The following UGT1A8 variants were observed in gnomAD, a reference collection of about 807,000 sequenced individuals.
UGT1A8 encodes the protein UDP glucuronosyltransferase family 1 member A8, also known as UDP-glucuronosyltransferase 1A8.
In UGT1A8, 39 loss-of-function variants were observed where a neutral mutation model predicts 45.3. The observed-to-expected ratio is 0.86, with a 90% CI of 0.67 to 1.12. UGT1A8 has a LOEUF of 1.12. Among genes scored for constraint, UGT1A8 ranks in the 50% most tolerant of loss-of-function variants. UGT1A8 has a pLI of 0.00. For synonymous variants in UGT1A8, 275 were observed against 249.2 expected, an observed-to-expected ratio of 1.10 and a Z score of -0.97; for missense variants, 719 against 664.9, an observed-to-expected ratio of 1.08 and a Z score of -0.90.
chr2:233,693,640 C>T (rs2075172238), intron 1 of UGT1A8: 1 of 1,614,182 alleles, frequency 6.2e-7, no homozygotes, highest in Non-Finnish European at 8.5e-7. Context: ...TGGCCAACTT[C>T]CTTGTTAATT....
In UGT1A8 at chr2:233,686,112, AC is replaced by A. The variant is rs965881190; in HGVS notation, c.855+67553del. ...TCCAAGTCCAAGAGAATGAAGTTGC[AC>A]CCTTACCTTGTATCATATATAAAAA... On this transcript the variant is annotated intron_variant, in intron 1 of 4. Coordinates refer to ENST00000373450, the MANE Select transcript of UGT1A8 (RefSeq NM_019076.5). 7.0e-4 allele frequency among the ~76,000 whole-genome samples: 107 copies of A among 152,284 alleles called. 1 individual carries two copies. The highest frequency in any genetic ancestry group is 2.3e-3 in the African/African-American group (96 of 41,562).
At chr2:233,655,467 G>T (rs1346502988) in intron 1 of UGT1A8, among the ~76,000 whole-genome samples, 1 of 152,178 alleles carries the variant, frequency 6.6e-6, no homozygotes, top group Non-Finnish European at 1.5e-5. Context: ...CACGACTTAA[G>T]GAGGCTCATG....
At chr2:233,719,602 T>C (rs764921647) in intron 1 of UGT1A8, 45 of 1,614,062 alleles carry the variant, frequency 2.8e-5, no homozygotes, top group Admixed American at 5.0e-5. Flanking sequence ...CGAGGGGACT[T>C]TGTGATGGAC....
At chr2:233,747,346 G>T in intron 1 of UGT1A8, 1 of 1,603,164 alleles carries the variant, frequency 6.2e-7, no homozygotes, top group African/African-American at 1.3e-5. Flanking sequence ...GCTCGCATGC[G>T]GGAGGCCGTG....
chr2:233,672,757 A>G, intron 1 of UGT1A8: 1 of 1,613,860 alleles, frequency 6.2e-7, no homozygotes, highest in Non-Finnish European at 8.5e-7. Flanking sequence ...CATTGGTGGT[A>G]TCAACTGCCA....
chr2:233,767,204 A>G, intron 2 of UGT1A8, 39 bp downstream of exon 2: 1 of 1,613,356 alleles, frequency 6.2e-7, no homozygotes, highest in Non-Finnish European at 8.5e-7. Flanking sequence ...ATCTATTTTC[A>G]CAGGAGCGCT....
intron 1 of UGT1A8, among the ~76,000 whole-genome samples, chr2:233,730,722 G>C (rs2078066355): frequency 6.6e-6 from 1 of 152,104 alleles, no homozygotes; most frequent in Admixed American, 6.6e-5. Flanking sequence ...AAATTATCAA[G>C]AAATGGCGGA....
intron 1 of UGT1A8, among the ~76,000 whole-genome samples, chr2:233,654,147 G>T (rs772561774): frequency 1.2e-4 from 19 of 152,052 alleles, no homozygotes; most frequent in Non-Finnish European, 2.1e-4. Flanking sequence ...TAAAAATAAT[G>T]CTGACAATTT....
At chr2:233,755,038 C>T (rs751084795) in intron 1 of UGT1A8, 123 of 1,320,106 alleles carry the variant, frequency 9.3e-5, no homozygotes, top group Admixed American at 3.2e-4. Flanking sequence ...CTGCCGCCTG[C>T]GCAGCCGCCC....
rs1412696201 is a variant in UGT1A8, at chr2:233,617,824, C to T, written c.117C>T (p.Phe39=). 1.2e-6 allele frequency: 2 copies of T among 1,614,024 alleles called. No individual in the cohort carries two copies. Among genetic ancestry groups the T allele is most frequent in the Admixed American group, 1.7e-5 (1 of 59,994 alleles). The change falls in exon 1 of 5, where the codon TTC becomes TTT. Residue 39 remains phenylalanine (F), a synonymous_variant. Coordinates refer to ENST00000373450, the MANE Select transcript of UGT1A8 (RefSeq NM_019076.5). ...TGCCCATGGATGGGAGTCACTGGTTCACCATGCAGTCGGTGGTGGAGAAAC... is the reference window on the plus strand; with the variant it reads ...TGCCCATGGATGGGAGTCACTGGTTTACCATGCAGTCGGTGGTGGAGAAAC... The part of the protein sequence containing the change: ...LVVPMDGSHW[F]TMQSVVEKLI...
chr2:233,695,265 A>G (rs1276719886), intron 1 of UGT1A8, among the ~76,000 whole-genome samples: 2 of 151,894 alleles, frequency 1.3e-5, no homozygotes, highest in African/African-American at 4.8e-5. Context: ...AGCTGGGACT[A>G]TAGGCATGTG....
chr2:233,744,239 T>C (rs1275088982), intron 1 of UGT1A8, among the ~76,000 whole-genome samples: 1 of 151,842 alleles, frequency 6.6e-6, no homozygotes, highest in Non-Finnish European at 1.5e-5. Flanking sequence ...GCCTTGACTT[T>C]GGCTGCCTGA....
chr2:233,721,886 T>C (rs1215447049), intron 1 of UGT1A8: 3 of 486,690 alleles, frequency 6.2e-6, no homozygotes, highest in Non-Finnish European at 1.2e-5. Flanking sequence ...AGCCCCTCCA[T>C]TGCAATATCG....
intron 1 of UGT1A8, chr2:233,722,063 A>G (rs2076988750): frequency 4.1e-6 from 1 of 244,354 alleles, no homozygotes; most frequent in Non-Finnish European, 8.2e-6. Context: ...GGTCAAGTGA[A>G]TAAAGAAGAA....
In UGT1A8 at chr2:233,722,855, T is replaced by G. The variant is rs537122940; in HGVS notation, c.856-44179T>G. Among the ~76,000 whole-genome samples, 9 of 127,428 alleles carry G rather than the reference T, an allele frequency of 7.1e-5. No individual in the cohort carries two copies. The South Asian group carries it at 1.9e-3, about 27-fold the overall frequency. 83.6% of individuals were successfully genotyped at this position (127,428 alleles called of 152,430 possible). A position where few individuals can be genotyped will look rare whatever the true frequency, so the allele number is the denominator to read the frequency against. On this transcript the variant is annotated intron_variant, in intron 1 of 4. Coordinates refer to ENST00000373450, the MANE Select transcript of UGT1A8 (RefSeq NM_019076.5). ...ATAATAAGAATGTTTCTTTTTTTTTTTTTTGAAGGAAAAAATAAATTTATT... is the reference window on the plus strand; with the variant it reads ...ATAATAAGAATGTTTCTTTTTTTTTGTTTTGAAGGAAAAAATAAATTTATT...
rs763548038 is a variant in UGT1A8, at chr2:233,772,319, G to T, written c.1353G>T (p.Pro451=). Residue 451 remains proline, a synonymous_variant, in exon 5 of 5, where the codon CCG becomes CCT. Coordinates refer to ENST00000373450, the MANE Select transcript of UGT1A8 (RefSeq NM_019076.5). ...SSLHKDRPVE[P]LDLAVFWVEF... ...TTCACAAGGACCGCCCGGTGGAGCC[G>T]CTGGACCTGGCCGTGTTCTGGGTGG... 6.2e-7 allele frequency: 1 copy of T among 1,614,164 alleles called. No homozygotes were observed. The highest frequency in any genetic ancestry group is 8.5e-7 in the Non-Finnish European group (1 of 1,180,030).
chr2:233,758,519 G>T (rs1221365461), intron 1 of UGT1A8, among the ~76,000 whole-genome samples: 1 of 152,226 alleles, frequency 6.6e-6, no homozygotes. Context: ...ACAACAAAGA[G>T]TGAAAGCATT....
chr2:233,671,895 C>G, intron 1 of UGT1A8: 1 of 1,568,798 alleles, frequency 6.4e-7, no homozygotes, highest in Non-Finnish European at 8.6e-7. Context: ...ATCATAGGAG[C>G]TTAGATTCCC....
chr2:233,624,229 T>G (rs1349569449), intron 1 of UGT1A8, among the ~76,000 whole-genome samples: 3 of 152,090 alleles, frequency 2.0e-5, no homozygotes, highest in Non-Finnish European at 4.4e-5. Context: ...CCACCTGAAA[T>G]GTAGTCATCA....
Sources: allele counts gnomAD v4.1 joint callset (sites outside exome capture counted in the v4.1 genomes callset), GRCh38; gene constraint gnomAD v4.1.1; transcripts MANE v1.5; gene names NCBI Gene and HGNC (gene_info 2026-07-23, HGNC 2026-07-21).